The following C3orf49 variants were observed in gnomAD, a reference collection of about 807,000 sequenced individuals.
C3orf49 encodes putative uncharacterized protein C3orf49.
In C3orf49, 27 loss-of-function variants were observed where a neutral mutation model predicts 13.3. That is an observed-to-expected ratio of 2.02 (90% CI 1.49 to 2.79). C3orf49 has a LOEUF of 2.79. C3orf49 is among the 30% of genes most tolerant of loss of function. The probability of loss-of-function intolerance (pLI) is 0.00; values close to 1 mark genes in which losing one functional copy is unlikely to be tolerated. For synonymous variants in C3orf49, 87 were observed against 47.6 expected (o/e 1.83, Z -3.40); for missense variants, 242 against 134.2 (o/e 1.80, Z -3.97).
rs566175132 is a variant in C3orf49, at chr3:63,838,644, C to T, written c.850-6379C>T. 1.9e-5 allele frequency: 15 copies of T among 771,936 alleles called. No individual in the cohort carries two copies. In the South Asian group the frequency reaches 3.4e-4, roughly 18 times the overall value. The allele number at this position is 771,936 out of a possible 1,614,324, so 47.8% of individuals were successfully genotyped here. A position where few individuals can be genotyped will look rare whatever the true frequency, so the allele number is the denominator to read the frequency against. ...TTATTTAAAATTTAGAATATCTGTC[C>T]CTTAAGTTTTCTTTTTATCAAATGT... On this transcript the variant is annotated intron_variant, in intron 5 of 6. Transcript: ENST00000295896.
At position 63,824,699 on chromosome 3, in the gene C3orf49, G is replaced by A. The variant is rs144785374; in HGVS notation, c.445+1130G>A. On this transcript the variant is annotated intron_variant, in intron 2 of 6. Transcript: ENST00000295896. ...AAAAAATACAAAAAAGATTAGTCAG[G>A]CATGGTGGCATGTGCCCGTAGTCCC... Among the ~76,000 whole-genome samples, 160 of 152,138 alleles carry A rather than the reference G, an allele frequency of 1.1e-3. 1 individual carries two copies. The highest frequency in any genetic ancestry group is 3.7e-3 in the African/African-American group (153 of 41,526).
chr3:63,796,112 C>T, the C3orf49 span, among the ~76,000 whole-genome samples: 1 of 151,976 alleles, frequency 6.6e-6, no homozygotes, highest in Non-Finnish European at 1.5e-5. Context: ...TTCAATTTTT[C>T]AGCTCTTTCA....
the C3orf49 span, among the ~76,000 whole-genome samples, chr3:63,790,427 G>T: frequency 1.3e-5 from 2 of 152,098 alleles, no homozygotes; most frequent in African/African-American, 4.8e-5. Context: ...TTTCAACCTT[G>T]GCTATACAAT....
upstream of C3orf49, among the ~76,000 whole-genome samples, chr3:63,815,869 C>T (rs1263046085): frequency 6.7e-6 from 1 of 149,860 alleles, no homozygotes. Context: ...TGGGTTCAAG[C>T]GAGGAGGCGT....
chr3:63,801,796 A>C, the C3orf49 span, among the ~76,000 whole-genome samples: 1 of 142,514 alleles, frequency 7.0e-6, no homozygotes, highest in African/African-American at 2.8e-5. Flanking sequence ...ATCCACTTCA[A>C]GGAGCTCCCT....
intron 3 of C3orf49, 67 bp from the exon 4 acceptor site, chr3:63,831,039 CTTGT>C: frequency 1.5e-6 from 1 of 664,780 alleles, no homozygotes; most frequent in Non-Finnish European, 2.7e-6. Flanking sequence ...GGTGAGAACT[CTTGT>C]TTAAGCACCA....
chr3:63,820,684 A>G (rs1701380640), intron 1 of C3orf49, among the ~76,000 whole-genome samples: 2 of 152,188 alleles, frequency 1.3e-5, no homozygotes, highest in African/African-American at 4.8e-5. Flanking sequence ...TTAAATTATT[A>G]TTAAAGGAGT....
chr3:63,802,423 T>C, the C3orf49 span, among the ~76,000 whole-genome samples: 1 of 152,242 alleles, frequency 6.6e-6, no homozygotes, highest in Non-Finnish European at 1.5e-5. Context: ...TTTCCATCCT[T>C]GTACTGCAAT....
intron 5 of C3orf49, chr3:63,832,768 C>T (rs1575799593): frequency 6.6e-6 from 1 of 152,170 alleles, no homozygotes; most frequent in East Asian, 1.9e-4. Context: ...ATTGTCACAG[C>T]ATAGCAATTC....
the C3orf49 span, among the ~76,000 whole-genome samples, chr3:63,803,382 T>C: frequency 1.3e-5 from 2 of 152,052 alleles, no homozygotes; most frequent in Admixed American, 1.3e-4. Flanking sequence ...ACATGTGGGG[T>C]TGAGAAATCC....
intron 6 of C3orf49, among the ~76,000 whole-genome samples, chr3:63,845,371 A>G (rs1179232051): frequency 1.3e-5 from 2 of 152,172 alleles, no homozygotes; most frequent in African/African-American, 4.8e-5. Flanking sequence ...GTGATATCTC[A>G]TGCATGATGC....
At chr3:63,839,452 A>G (rs993729122) in intron 5 of C3orf49, among the ~76,000 whole-genome samples, 4 of 152,174 alleles carry the variant, frequency 2.6e-5, no homozygotes, top group Admixed American at 6.5e-5. Flanking sequence ...CTCCTTACCA[A>G]TCTGCCTTCT....
intron 1 of C3orf49, among the ~76,000 whole-genome samples, chr3:63,821,261 G>T (rs1339156307): frequency 1.3e-5 from 2 of 152,092 alleles, no homozygotes; most frequent in Non-Finnish European, 2.9e-5. Context: ...ACAGAAAAAG[G>T]CTGAATGATT....
At chr3:63,821,306 T>C (rs538166532) in intron 1 of C3orf49, among the ~76,000 whole-genome samples, 3 of 152,054 alleles carry the variant, frequency 2.0e-5, no homozygotes, top group African/African-American at 4.8e-5. Flanking sequence ...TCCTGGAGAG[T>C]AGTACATATG....
chr3:63,835,734 G>A (rs755466396), intron 5 of C3orf49, among the ~76,000 whole-genome samples: 47 of 151,930 alleles, frequency 3.1e-4, no homozygotes, highest in African/African-American at 1.4e-4. Context: ...CAATTAACTC[G>A]AAATACCCTT....
chr3:63,779,811 AC>A, the C3orf49 span: 1 of 152,130 alleles, frequency 6.6e-6, no homozygotes, highest in Non-Finnish European at 1.5e-5. Context: ...TTTGCCAAGA[AC>A]TTTTCTCAAC....
intron 6 of C3orf49, 36 bp from the exon 7 acceptor site, chr3:63,848,325 CCTT>C (rs1701946962): frequency 6.6e-6 from 1 of 152,104 alleles, no homozygotes; most frequent in South Asian, 2.1e-4. Flanking sequence ...CTCCACAACC[CCTT>C]ATTTCAACCC....
At chr3:63,839,851 TGTTTA>T in intron 5 of C3orf49, 1 of 1,195,352 alleles carries the variant, frequency 8.4e-7, no homozygotes, top group East Asian at 2.4e-5. Context: ...ACTGTTCATT[TGTTTA>T]TTCAAAAGAA....
chr3:63,823,767 TGTGTGTG>T (rs1701430046), intron 2 of C3orf49, among the ~76,000 whole-genome samples, 198 bp downstream of exon 2: 1 of 4,866 alleles, frequency 2.1e-4, no homozygotes, highest in South Asian at 5.1e-3. Flanking sequence ...TTCATACCGT[TGTGTGTG>T]TGTGTGTGTG....
Sources: gnomAD v4.1 joint callset for allele counts (sites outside exome capture counted in the v4.1 genomes callset) on GRCh38, gnomAD v4.1.1 for gene constraint, MANE v1.5 for transcripts, NCBI Gene and HGNC (gene_info 2026-07-23, HGNC 2026-07-21) for gene names.